Variants in FGF22 observed in about 807,000 individuals in gnomAD.
FGF22 encodes FGF-22.
A neutral mutation model predicts 10.3 loss-of-function variants in FGF22; 11 were observed. The ratio of observed to expected loss-of-function variants is 1.07; its 90% confidence interval spans 0.67 to 1.77. FGF22 has a LOEUF of 1.77. Ranked by LOEUF, FGF22 falls within the 40% of genes most tolerant of loss-of-function variation. The pLI is 0.00. For missense variants in FGF22, 317 were observed against 273.2 expected (o/e 1.16, Z -1.13); for synonymous variants, 136 against 122.1 (o/e 1.11, Z -0.75).
intron 1 of FGF22, chr19:641,483 G>C (rs1042165992): frequency 3.0e-6 from 1 of 329,136 alleles, no homozygotes; most frequent in African/African-American, 2.2e-5. Flanking sequence ...GCTGAGGCAG[G>C]AGAATGACGT....
chr19:641,618 G>T (rs1188792639), intron 1 of FGF22: 1 of 257,818 alleles, frequency 3.9e-6, no homozygotes, highest in East Asian at 9.8e-5. Flanking sequence ...GTGAACAAGG[G>T]TGCAGGTGGG....
chr19:643,316 G>A (rs369429141), exon 2 of FGF22: 75 of 1,610,358 alleles, frequency 4.7e-5, no homozygotes, highest in Admixed American at 3.3e-5. Context: ...GCCATGAACC[G>A]CCGGGGCCGC....
exon 3 of FGF22, chr19:643,694 G>C (rs1985992896): frequency 1.8e-6 from 2 of 1,129,760 alleles, no homozygotes; most frequent in East Asian, 5.2e-5. Context: ...GGCTCTGTAA[G>C]CGCTGAGTGC....
At chr19:640,091 G>C in exon 1 of FGF22, 1 of 1,409,112 alleles carries the variant, frequency 7.1e-7, no homozygotes, top group Non-Finnish European at 9.3e-7. Context: ...CCTGCGCGTG[G>C]ATCCCGGCGG....
At chr19:643,203 G>A (rs1272851222) in intron 1 of FGF22, 32 bp from the exon 2 acceptor site, 1 of 1,194,020 alleles carries the variant, frequency 8.4e-7, no homozygotes, top group Non-Finnish European at 1.1e-6. Context: ...GGGTGAGCCA[G>A]CAAGGCCCTC....
At chr19:641,574 CAAAAAAA>C in intron 1 of FGF22, 6 of 93,442 alleles carry the variant, frequency 6.4e-5, no homozygotes, top group Admixed American at 2.2e-4. Flanking sequence ...GACTCCGTCT[CAAAAAAA>C]AAAAAAAAAA....
At position 643,215 on chromosome 19, in the gene FGF22, C is replaced by G; in HGVS notation, c.215-20C>G. The G allele has an allele frequency of 6.3e-7, 1 of 1,581,250 alleles. No homozygotes were observed. The highest frequency in any genetic ancestry group is 2.3e-5 in the East Asian group (1 of 43,734). The stretch of plus-strand genomic sequence containing the variant: ...TGGGGGTGAGCCAGCAAGGCCCTCC[C>G]CGACCCCCGCCTCCCCCAGGCATCC... On this transcript the variant is annotated intron_variant, in intron 1 of 2. Transcript: ENST00000215530.
At chr19:643,468 C>CCTA (rs748266534) in exon 3 of FGF22, 1 of 1,611,546 alleles carries the variant, frequency 6.2e-7, no homozygotes, top group Non-Finnish European at 8.5e-7. Context: ...GGCCACAACA[C>CCTA]CTACGCCTCA....
intron 1 of FGF22, 132 bp downstream of exon 1, chr19:640,271 C>T (rs3787002): frequency 0.052 from 28,248 of 548,442 alleles, 980 homozygotes; most frequent in African/African-American, 0.13. Context: ...CCTCAGTTTC[C>T]GTGGTCTGTG....
chr19:643,602 T>C (rs1826317541), exon 3 of FGF22: 2 of 1,523,552 alleles, frequency 1.3e-6, no homozygotes, highest in Non-Finnish European at 1.8e-6. Flanking sequence ...CCTGGTCTCC[T>C]GAGGCCCTGA....
chr19:643,401 C>G lies in FGF22; in HGVS notation c.319-9C>G. On this transcript the variant is annotated splice_polypyrimidine_tract_variant and intron_variant, in intron 2 of 2. Coordinates refer to ENST00000215530, the Ensembl canonical transcript of FGF22. ...GGGGAGGGTGGGCCGGCCTCACCCC[C>G]GCCCGCAGCGACTCTACACCGTGGA... The G allele has an allele frequency of 6.2e-7, 1 of 1,609,016 alleles. No individual in the cohort carries two copies.
exon 3 of FGF22, chr19:643,482 C>G: frequency 6.2e-7 from 1 of 1,611,064 alleles, no homozygotes; most frequent in Non-Finnish European, 8.5e-7. Context: ...CGCCTCACAG[C>G]GCTGGCGCCG....
chr19:641,149 T>A (rs1366653771), intron 1 of FGF22: 1 of 456,388 alleles, frequency 2.2e-6, no homozygotes, highest in East Asian at 6.9e-5. Flanking sequence ...TGGTCACTAA[T>A]CGGGCACCTT....
chr19:643,303 G>A lies in FGF22; in HGVS notation c.283G>A (p.Val95Met), dbSNP rs1318831416. 8.1e-6 allele frequency: 13 copies of A among 1,611,372 alleles called. No homozygotes were observed. Among genetic ancestry groups the A allele is most frequent in the African/African-American group, 2.7e-5 (2 of 74,876 alleles). Residue 95 changes from valine (V) to methionine (M), a missense_variant, in exon 2 of 3, where the codon GTG becomes ATG. Coordinates refer to ENST00000215530, the Ensembl canonical transcript of FGF22. ...CAAAGCAGTGTCCTCAGGCTTCTACGTGGCCATGAACCGCCGGGGCCGCCT... is the reference window on the plus strand; with the variant it reads ...CAAAGCAGTGTCCTCAGGCTTCTACATGGCCATGAACCGCCGGGGCCGCCT...
At chr19:643,759 G>A in exon 3 of FGF22, 1 of 658,316 alleles carries the variant, frequency 1.5e-6, no homozygotes, top group South Asian at 2.0e-5. Flanking sequence ...GGGGGTCCCA[G>A]CCTGAGGGGG....
intron 1 of FGF22, 56 bp from the exon 2 acceptor site, chr19:643,179 A>G (rs1985963313): frequency 1.7e-5 from 13 of 743,206 alleles, no homozygotes; most frequent in Non-Finnish European, 2.1e-5. Flanking sequence ...CACAGCGGAC[A>G]GCAGCGGTGC....
intron 1 of FGF22, chr19:640,813 C>T: frequency 4.5e-6 from 1 of 221,810 alleles, no homozygotes; most frequent in South Asian, 5.8e-5. Flanking sequence ...GGGCGGGGGG[C>T]ACTGGGAAGG....
intron 1 of FGF22, chr19:641,320 T>C (rs961089164): frequency 3.8e-5 from 17 of 452,404 alleles, no homozygotes; most frequent in African/African-American, 2.0e-4. Flanking sequence ...CTCACGTCGG[T>C]AATCCCAGCA....
chr19:639,898 G>A (rs779026177), exon 1 of FGF22: 6 of 1,198,426 alleles, frequency 5.0e-6, no homozygotes, highest in Admixed American at 4.4e-5. Context: ...CGGGAGCGAC[G>A]AGCGCGCAGC....
Sources: gnomAD v4.1 joint callset for allele counts on GRCh38, gnomAD v4.1.1 for gene constraint, MANE v1.5 for transcripts, NCBI Gene and HGNC (gene_info 2026-07-23, HGNC 2026-07-21) for gene names.